Variants in VTI1A observed in about 807,000 individuals in gnomAD.
VTI1A encodes the protein vesicle transport through interaction with t-SNAREs homolog 1A.
VTI1A carries 22 observed loss-of-function variants against 34.9 expected under a neutral mutation model. The observed-to-expected ratio is 0.63, with a 90% CI of 0.45 to 0.90. The LOEUF (loss-of-function observed/expected upper bound fraction) is 0.90, where lower values mean the gene tolerates loss of function less well. Ranked by LOEUF, VTI1A falls within the 40% of genes least tolerant of loss-of-function variation. The probability of loss-of-function intolerance (pLI) is 0.00; values close to 1 mark genes in which losing one functional copy is unlikely to be tolerated. For synonymous variants in VTI1A, 87 were observed against 97.3 expected, an observed-to-expected ratio of 0.89 and a Z score of 0.62; for missense variants, 268 against 275.6, an observed-to-expected ratio of 0.97 and a Z score of 0.20.
intron 7 of VTI1A, among the ~76,000 whole-genome samples, chr10:112,771,837 A>G (rs1194979766): frequency 2.6e-5 from 4 of 152,230 alleles, no homozygotes; most frequent in African/African-American, 9.6e-5. Context: ...TTCACTTAGT[A>G]TAATGTTTTT....
At chr10:112,789,619 T>G (rs527652365) in intron 7 of VTI1A, among the ~76,000 whole-genome samples, 1 of 152,300 alleles carries the variant, frequency 6.6e-6, no homozygotes, top group South Asian at 2.1e-4. Flanking sequence ...TTCATCAGTC[T>G]TTTTTCCTTT....
At chr10:112,460,832 GT>G (rs1455502280) in intron 2 of VTI1A, among the ~76,000 whole-genome samples, 10 of 152,284 alleles carry the variant, frequency 6.6e-5, no homozygotes, top group Admixed American at 5.9e-4. Flanking sequence ...CATAACAGCT[GT>G]AAATAGCTAA....
intron 5 of VTI1A, chr10:112,548,759 C>G: frequency 6.8e-7 from 1 of 1,465,374 alleles, no homozygotes; most frequent in Non-Finnish European, 9.3e-7. Flanking sequence ...GATGGATAGT[C>G]TGAGAAGCTC....
chr10:112,580,753 G>T (rs867296433), intron 5 of VTI1A, among the ~76,000 whole-genome samples: 3 of 152,048 alleles, frequency 2.0e-5, no homozygotes, highest in African/African-American at 7.2e-5. Context: ...GGAAAAGGGG[G>T]GCATCAGGTG....
At chr10:112,598,569 G>A (rs1230167490) in intron 5 of VTI1A, among the ~76,000 whole-genome samples, 1 of 152,194 alleles carries the variant, frequency 6.6e-6, no homozygotes, top group African/African-American at 2.4e-5. Context: ...GTAATGGGGG[G>A]AAAGCATAAC....
intron 2 of VTI1A, 27 bp from the exon 3 acceptor site, chr10:112,464,520 A>G: frequency 6.3e-7 from 1 of 1,577,496 alleles, no homozygotes; most frequent in Non-Finnish European, 8.7e-7. Flanking sequence ...GTGTGTTTTA[A>G]ATCACATTTT....
rs35159993 is a variant in VTI1A, at chr10:112,795,431, C to CTTTTTTTTT, written c.561-19848_561-19840dup. ...TTTCTCCTACACATTCCCTATTACT[C>CTTTTTTTTT]TTTTTTTTTTTTTTTTTTTCTGAGA... On this transcript the variant is annotated intron_variant, in intron 7 of 7. Coordinates refer to ENST00000393077, the MANE Select transcript of VTI1A (RefSeq NM_145206.4). 6.5e-5 allele frequency among the ~76,000 whole-genome samples: 8 copies of CTTTTTTTTT among 123,988 alleles called. 1 individual carries two copies. Among genetic ancestry groups the CTTTTTTTTT allele is most frequent in the Non-Finnish European group, 8.3e-5 (5 of 60,554 alleles). 81.3% of individuals were successfully genotyped at this position (123,988 alleles called of 152,430 possible).
chr10:112,608,521 A>G (rs1271370674), intron 5 of VTI1A, among the ~76,000 whole-genome samples: 1 of 152,190 alleles, frequency 6.6e-6, no homozygotes, highest in Non-Finnish European at 1.5e-5. Context: ...CTTAAACCAC[A>G]TGTAGACATG....
intron 5 of VTI1A, among the ~76,000 whole-genome samples, chr10:112,652,371 A>T (rs1847066198): frequency 6.6e-6 from 1 of 152,172 alleles, no homozygotes; most frequent in Admixed American, 6.5e-5. Flanking sequence ...TGTGTGTCTC[A>T]CAAAAAACAA....
intron 5 of VTI1A, among the ~76,000 whole-genome samples, chr10:112,664,599 G>T (rs1318552147): frequency 6.6e-6 from 1 of 152,114 alleles, no homozygotes; most frequent in Non-Finnish European, 1.5e-5. Context: ...TCTTTATGAG[G>T]CAGGAAAGTA....
intron 3 of VTI1A, among the ~76,000 whole-genome samples, chr10:112,514,384 C>T (rs1326182266): frequency 1.3e-5 from 2 of 151,644 alleles, no homozygotes; most frequent in African/African-American, 4.8e-5. Flanking sequence ...TGAGTAGTCT[C>T]TCCTTTTTTT....
chr10:112,516,090 T>C (rs765056527), intron 3 of VTI1A, among the ~76,000 whole-genome samples: 4 of 152,060 alleles, frequency 2.6e-5, no homozygotes, highest in Admixed American at 6.6e-5. Flanking sequence ...ACAGTACAAT[T>C]TGGGGTCTCA....
At chr10:112,682,216 G>A (rs1385550704) in intron 7 of VTI1A, among the ~76,000 whole-genome samples, 1 of 152,094 alleles carries the variant, frequency 6.6e-6, no homozygotes, top group African/African-American at 2.4e-5. Flanking sequence ...GAGATAAAAG[G>A]TCTCTTATTT....
At position 112,776,677 on chromosome 10, in the gene VTI1A, ATTTTTTTTTT is replaced by A. The variant is rs1161945456; in HGVS notation, c.561-38603_561-38594del. On this transcript the variant is annotated intron_variant, in intron 7 of 7. Coordinates refer to ENST00000393077, the MANE Select transcript of VTI1A (RefSeq NM_145206.4). ...CCAAATCTTGAGTTAGGCTGACTTA[ATTTTTTTTTT>A]TTTTTTTTTGAGACGGAGTCTTGTT... Among the ~76,000 whole-genome samples the A allele has an allele frequency of 2.3e-5, 3 of 131,290 alleles. No homozygotes were observed. In the Admixed American group the frequency reaches 2.4e-4, roughly 11 times the overall value. 86.1% of individuals were successfully genotyped at this position (131,290 alleles called of 152,430 possible).
intron 5 of VTI1A, among the ~76,000 whole-genome samples, chr10:112,647,587 A>G (rs76980043): frequency 6.6e-6 from 1 of 152,324 alleles, no homozygotes; most frequent in South Asian, 2.1e-4. Flanking sequence ...AATAAAGTCA[A>G]CTATGATATG....
At chr10:112,610,796 G>A (rs1845273358) in intron 5 of VTI1A, among the ~76,000 whole-genome samples, 1 of 152,182 alleles carries the variant, frequency 6.6e-6, no homozygotes, top group Non-Finnish European at 1.5e-5. Context: ...GCGGGCGCCT[G>A]TAGTCCCAGC....
At chr10:112,471,682 T>A (rs551000666) in intron 3 of VTI1A, among the ~76,000 whole-genome samples, 47 of 150,324 alleles carry the variant, frequency 3.1e-4, no homozygotes, top group South Asian at 1.3e-3. Context: ...AAACAACTTT[T>A]AAAAAAAAAA....
chr10:112,779,300 T>C lies in VTI1A; in HGVS notation c.561-35990T>C, dbSNP rs186933903. 6.6e-5 allele frequency among the ~76,000 whole-genome samples: 10 copies of C among 152,332 alleles called. No individual in the cohort carries two copies. In the East Asian group the frequency reaches 9.6e-4, roughly 15 times the overall value. ...ATAGCTTCATGTATTTACTAGACGC[T>C]AAGAAGTCAAAGGAAGTGGTGTGTG... On this transcript the variant is annotated intron_variant, in intron 7 of 7. Transcript: ENST00000393077.
At chr10:112,525,307 T>C (rs897084583) in intron 3 of VTI1A, among the ~76,000 whole-genome samples, 3 of 152,180 alleles carry the variant, frequency 2.0e-5, no homozygotes, top group African/African-American at 7.2e-5. Flanking sequence ...AAGATATGCA[T>C]TTGTGCAGCG....
Sources: gnomAD v4.1 joint callset for allele counts (sites outside exome capture counted in the v4.1 genomes callset) on GRCh38, gnomAD v4.1.1 for gene constraint, MANE v1.5 for transcripts, NCBI Gene and HGNC (gene_info 2026-07-23, HGNC 2026-07-21) for gene names.